CDH13: variants seen among roughly 807,000 people sequenced by gnomAD.
CDH13 encodes the protein cadherin-13.
In CDH13, 24 loss-of-function variants were observed where a neutral mutation model predicts 63.8. The ratio of observed to expected loss-of-function variants is 0.38; its 90% confidence interval spans 0.27 to 0.53. CDH13 has a LOEUF of 0.53. CDH13 is among the 20% of genes least tolerant of loss of function. The probability of loss-of-function intolerance (pLI) is 0.85; values close to 1 mark genes in which losing one functional copy is unlikely to be tolerated. For synonymous variants in CDH13, 503 were observed against 355.3 expected (o/e 1.42, Z -4.67); for missense variants, 1,049 against 903.1 (o/e 1.16, Z -2.07).
At chr16:83,256,734 A>G (rs1462521099) in intron 5 of CDH13, among the ~76,000 whole-genome samples, 1 of 149,428 alleles carries the variant, frequency 6.7e-6, no homozygotes, top group East Asian at 2.0e-4. Context: ...AGTCCCAGCT[A>G]CTTGGGAGGC....
intron 1 of CDH13, among the ~76,000 whole-genome samples, chr16:82,828,292 C>G (rs1347942973): frequency 1.3e-5 from 2 of 152,168 alleles, no homozygotes; most frequent in Admixed American, 6.5e-5. Context: ...TCCACAGGCT[C>G]CACATCTGCG....
At chr16:83,356,423 C>A (rs533871374) in intron 6 of CDH13, among the ~76,000 whole-genome samples, 2 of 152,020 alleles carry the variant, frequency 1.3e-5, no homozygotes, top group African/African-American at 2.4e-5. Flanking sequence ...CTCAACAACT[C>A]GAAGATTCAT....
intron 2 of CDH13, among the ~76,000 whole-genome samples, chr16:82,864,856 A>G (rs190185966): frequency 1.0e-3 from 155 of 152,332 alleles, no homozygotes; most frequent in African/African-American, 3.5e-3. Context: ...AGACAAGGCA[A>G]GTCCCTTCCA....
intron 5 of CDH13, among the ~76,000 whole-genome samples, chr16:83,277,051 A>G (rs550687100): frequency 6.6e-6 from 1 of 152,040 alleles, no homozygotes; most frequent in East Asian, 1.9e-4. Flanking sequence ...CTCCAACAAC[A>G]TGTGGGAGTT....
chr16:83,352,204 C>G (rs185566112), intron 6 of CDH13, among the ~76,000 whole-genome samples: 2,671 of 146,322 alleles, frequency 0.018, 43 homozygotes, highest in East Asian at 0.077. Flanking sequence ...GTTTAGGTGA[C>G]CATAAAACAC....
chr16:83,440,622 T>G (rs1293230696), intron 6 of CDH13, among the ~76,000 whole-genome samples: 2 of 151,908 alleles, frequency 1.3e-5, no homozygotes, highest in East Asian at 1.9e-4. Context: ...GTATCTCTAC[T>G]AAAAATACAA....
intron 10 of CDH13, among the ~76,000 whole-genome samples, chr16:83,718,697 G>A (rs254319): frequency 0.12 from 18,488 of 152,222 alleles, 1,270 homozygotes; most frequent in Middle Eastern, 0.19. Context: ...GATGGGTCCA[G>A]TTGGTCTTAG....
At chr16:83,316,465 A>G (rs528080166) in intron 5 of CDH13, among the ~76,000 whole-genome samples, 22 of 152,344 alleles carry the variant, frequency 1.4e-4, no homozygotes, top group African/African-American at 5.3e-4. Context: ...TGCTACCGCT[A>G]GAGCTGGAGA....
At chr16:83,306,412 C>T (rs147881809) in intron 5 of CDH13, among the ~76,000 whole-genome samples, 1 of 152,020 alleles carries the variant, frequency 6.6e-6, no homozygotes, top group Non-Finnish European at 1.5e-5. Flanking sequence ...TTTGAGAGCC[C>T]AGATTCATTC....
intron 6 of CDH13, among the ~76,000 whole-genome samples, chr16:83,486,070 G>C (rs1044635526): frequency 2.6e-5 from 4 of 152,056 alleles, no homozygotes; most frequent in African/African-American, 9.7e-5. Flanking sequence ...TTGAACCTGG[G>C]AGGCGGAGGT....
intron 5 of CDH13, among the ~76,000 whole-genome samples, chr16:83,245,052 G>T (rs1904851316): frequency 1.3e-5 from 2 of 151,752 alleles, no homozygotes; most frequent in East Asian, 1.9e-4. Flanking sequence ...AGCCAACCTT[G>T]CAGGCTGGCC....
At chr16:82,902,885 C>T (rs1450180656) in intron 2 of CDH13, among the ~76,000 whole-genome samples, 1 of 152,138 alleles carries the variant, frequency 6.6e-6, no homozygotes, top group African/African-American at 2.4e-5. Flanking sequence ...AAATACTCAT[C>T]AGTATGGAAA....
At chr16:82,903,299 G>T (rs2041530050) in intron 2 of CDH13, among the ~76,000 whole-genome samples, 1 of 152,206 alleles carries the variant, frequency 6.6e-6, no homozygotes, top group Non-Finnish European at 1.5e-5. Context: ...TGAATCATGG[G>T]TTTCTCAGAG....
chr16:82,724,096 G>A (rs1362974638), intron 1 of CDH13, among the ~76,000 whole-genome samples: 1 of 152,148 alleles, frequency 6.6e-6, no homozygotes, highest in Non-Finnish European at 1.5e-5. Flanking sequence ...GATCCTTTAG[G>A]CCTTGTGAAG....
intron 3 of CDH13, among the ~76,000 whole-genome samples, chr16:83,046,485 C>T (rs2151496169): frequency 6.6e-6 from 1 of 152,244 alleles, no homozygotes; most frequent in East Asian, 1.9e-4. Context: ...AATAATATCC[C>T]ATATATGTTT....
chr16:83,790,769 C>T (rs1483188059), intron 13 of CDH13, among the ~76,000 whole-genome samples: 2 of 152,174 alleles, frequency 1.3e-5, no homozygotes, highest in Non-Finnish European at 2.9e-5. Context: ...CCCTAGCACC[C>T]TCCCAGTGAG....
intron 1 of CDH13, among the ~76,000 whole-genome samples, chr16:82,710,836 T>C (rs1414391542): frequency 6.6e-6 from 1 of 150,970 alleles, no homozygotes; most frequent in East Asian, 1.9e-4. Context: ...CAAATACTTT[T>C]ATACATAAAT....
At chr16:83,425,252 A>T (rs2071854860) in intron 6 of CDH13, among the ~76,000 whole-genome samples, 1 of 152,226 alleles carries the variant, frequency 6.6e-6, no homozygotes, top group African/African-American at 2.4e-5. Flanking sequence ...TGGGAATTAA[A>T]TGGGACCCAA....
intron 6 of CDH13, among the ~76,000 whole-genome samples, chr16:83,464,057 T>C (rs759866721): frequency 6.6e-6 from 1 of 152,148 alleles, no homozygotes; most frequent in Non-Finnish European, 1.5e-5. Flanking sequence ...TGCTATGTTC[T>C]AGGGGGATTT....
Sources: allele counts gnomAD v4.1 joint callset (sites outside exome capture counted in the v4.1 genomes callset), GRCh38; gene constraint gnomAD v4.1.1; transcripts MANE v1.5; gene names NCBI Gene and HGNC (gene_info 2026-07-23, HGNC 2026-07-21).